LIMCH1: variants seen among roughly 807,000 people sequenced by gnomAD.
LIMCH1 encodes LIM and calponin homology domains-containing protein 1.
Under a neutral mutation model 176.5 loss-of-function variants are expected in LIMCH1, and 113 were observed. The observed-to-expected ratio is 0.64, with a 90% CI of 0.55 to 0.75. LIMCH1 has a LOEUF of 0.75. Among genes scored for constraint, LIMCH1 ranks in the 30% least tolerant of loss-of-function variants. The probability of loss-of-function intolerance (pLI) is 0.00; values close to 1 mark genes in which losing one functional copy is unlikely to be tolerated. For synonymous variants in LIMCH1, 619 were observed against 645.9 expected (o/e 0.96, Z 0.63); for missense variants, 1,674 against 1,814.9 (o/e 0.92, Z 1.41).
intron 1 of LIMCH1, among the ~76,000 whole-genome samples, chr4:41,448,535 AT>A (rs397880864): frequency 0.13 from 19,668 of 149,174 alleles, 3,659 homozygotes; most frequent in African/African-American, 0.41. Context: ...CAATTCATTA[AT>A]TTTTTTTTTT....
At chr4:41,581,805 CAAAAAAAAAAAAA>C (rs56150312) in intron 1 of LIMCH1, among the ~76,000 whole-genome samples, 13 of 76,188 alleles carry the variant, frequency 1.7e-4, no homozygotes, top group South Asian at 1.4e-3. Context: ...GACTCTGTCT[CAAAAAAAAAAAAA>C]AAAAAAAAAA....
At chr4:41,499,111 A>T (rs1304774694) in intron 2 of LIMCH1, among the ~76,000 whole-genome samples, 1 of 152,204 alleles carries the variant, frequency 6.6e-6, no homozygotes, top group African/African-American at 2.4e-5. Flanking sequence ...GCAAAATGCT[A>T]TTTGGGTAAA....
intron 8 of LIMCH1, among the ~76,000 whole-genome samples, chr4:41,628,953 A>G (rs1222091676): frequency 6.6e-6 from 1 of 152,254 alleles, no homozygotes; most frequent in African/African-American, 2.4e-5. Flanking sequence ...CTTTCTGTTC[A>G]GAATTGACTT....
At chr4:41,688,042 T>TAC in intron 29 of LIMCH1, 125 bp downstream of exon 29, 3 of 702,962 alleles carry the variant, frequency 4.3e-6, no homozygotes, top group South Asian at 1.8e-5. Flanking sequence ...CATCTCTTCC[T>TAC]ACACACACAC....
intron 1 of LIMCH1, among the ~76,000 whole-genome samples, chr4:41,459,245 A>G (rs906517601): frequency 5.3e-5 from 8 of 152,036 alleles, no homozygotes; most frequent in Non-Finnish European, 1.5e-5. Context: ...GAAAAGAAAA[A>G]TCATTTTAGG....
chr4:41,610,824 A>G (rs2091330984), intron 4 of LIMCH1, among the ~76,000 whole-genome samples: 1 of 152,180 alleles, frequency 6.6e-6, no homozygotes. Flanking sequence ...TGCACTAATC[A>G]TGCTTCATAT....
intron 24 of LIMCH1, among the ~76,000 whole-genome samples, chr4:41,680,329 C>T (rs752748665): frequency 5.3e-5 from 8 of 152,238 alleles, no homozygotes; most frequent in South Asian, 2.1e-4. Context: ...TCAAGGGAGA[C>T]GATACAATTA....
At chr4:41,396,809 A>G (rs1286941724) in intron 1 of LIMCH1, among the ~76,000 whole-genome samples, 1 of 152,104 alleles carries the variant, frequency 6.6e-6, no homozygotes, top group African/African-American at 2.4e-5. Context: ...AGGGTAAGGC[A>G]GGAATCGCTT....
intron 1 of LIMCH1, among the ~76,000 whole-genome samples, chr4:41,386,645 G>A (rs187864373): frequency 2.5e-4 from 38 of 152,264 alleles, no homozygotes; most frequent in Admixed American, 1.2e-3. Flanking sequence ...AAAATGGGAT[G>A]GGTATAAATG....
Position 41,633,549 on chromosome 4 carries a change from G to T in LIMCH1, c.1831G>T (p.Val611Leu), listed in dbSNP as rs961109709. ...TGGCTGGACTGAATGTTGCCCTAGG[G>T]TGTGTCCTCTGGCCTCTGAGTGTGA... is the stretch of plus-strand genomic sequence containing the variant. ...ERSEDSSQPLVCPLASECEAS... is the reference protein window; with the variant it reads ...ERSEDSSQPLLCPLASECEAS... Residue 611 changes from valine to leucine, a missense_variant and splice_region_variant, in exon 13 of 32, where the codon GTG becomes TTG. Physicochemically the swap from Val to Leu is conservative, Grantham distance 32. Transcript: ENST00000503057. The T allele has an allele frequency of 6.5e-7, 1 of 1,535,898 alleles. No homozygotes were observed.
chr4:41,523,708 G>T (rs536713853), intron 2 of LIMCH1, among the ~76,000 whole-genome samples: 2 of 152,190 alleles, frequency 1.3e-5, no homozygotes, highest in South Asian at 4.2e-4. Flanking sequence ...GGGTTTTTAT[G>T]TCCTGAAAAC....
intron 1 of LIMCH1, among the ~76,000 whole-genome samples, chr4:41,473,383 G>T (rs2067266852): frequency 6.6e-6 from 1 of 152,182 alleles, no homozygotes; most frequent in East Asian, 1.9e-4. Context: ...CAGAGCTGTT[G>T]ATGGTTGGAA....
intron 1 of LIMCH1, among the ~76,000 whole-genome samples, chr4:41,434,133 C>T (rs2061846928): frequency 6.6e-6 from 1 of 152,166 alleles, no homozygotes; most frequent in Non-Finnish European, 1.5e-5. Context: ...TGTGTGATGG[C>T]AGAAGGAGCC....
chr4:41,684,085 A>G (rs1383347972), intron 26 of LIMCH1, among the ~76,000 whole-genome samples: 1 of 152,192 alleles, frequency 6.6e-6, no homozygotes, highest in Non-Finnish European at 1.5e-5. Flanking sequence ...ATGTGGCTAA[A>G]TTATTTTTAC....
intron 1 of LIMCH1, among the ~76,000 whole-genome samples, chr4:41,421,993 G>T (rs1220064617): frequency 6.6e-6 from 1 of 152,054 alleles, no homozygotes; most frequent in East Asian, 1.9e-4. Flanking sequence ...TGAGGCATGA[G>T]AATTGCTTGA....
intron 1 of LIMCH1, among the ~76,000 whole-genome samples, chr4:41,480,517 G>A (rs2068419709): frequency 6.6e-6 from 1 of 152,188 alleles, no homozygotes; most frequent in Admixed American, 6.5e-5. Flanking sequence ...TGAGGCAGGA[G>A]AATCTCTTGA....
At position 41,666,485 on chromosome 4, in the gene LIMCH1, C is replaced by G. The variant is rs1196731642; in HGVS notation, c.3292-76C>G. ...AATGACTTCTATAACAGCCATGGAT[C>G]CTTAAATTGTGTGTCACCTGTGCAT... On this transcript the variant is annotated intron_variant, in intron 20 of 31. Coordinates refer to ENST00000503057, the MANE Select transcript of LIMCH1 (RefSeq NM_001330672.2). 3.5e-6 allele frequency: 3 copies of G among 860,610 alleles called. No individual in the cohort carries two copies. The East Asian group carries it at 7.6e-5, about 22-fold the overall frequency. 53.3% of individuals were successfully genotyped at this position (860,610 alleles called of 1,614,324 possible).
intron 18 of LIMCH1, among the ~76,000 whole-genome samples, chr4:41,655,214 A>G (rs1198337632): frequency 6.6e-6 from 1 of 152,220 alleles, no homozygotes; most frequent in African/African-American, 2.4e-5. Flanking sequence ...TTCATACACT[A>G]TATCAAAGGT....
At chr4:41,632,714 C>T in intron 10 of LIMCH1, 35 bp from the exon 11 acceptor site, 1 of 1,497,102 alleles carries the variant, frequency 6.7e-7, no homozygotes, top group Non-Finnish European at 9.0e-7. Flanking sequence ...TGTTCCTCTC[C>T]TCTCTTGCCA....
Sources: gnomAD v4.1 joint callset for allele counts (sites outside exome capture counted in the v4.1 genomes callset) on GRCh38, gnomAD v4.1.1 for gene constraint, MANE v1.5 for transcripts, NCBI Gene and HGNC (gene_info 2026-07-23, HGNC 2026-07-21) for gene names.